IDO2: variants seen among roughly 807,000 people sequenced by gnomAD.
IDO2 encodes indoleamine 2,3-dioxygenase-like 1 protein.
Under a neutral mutation model 45.1 loss-of-function variants are expected in IDO2, and 46 were observed. That is an observed-to-expected ratio of 1.02 (90% CI 0.80 to 1.30). IDO2 has a LOEUF of 1.30. Among genes scored for constraint, IDO2 ranks in the 50% most tolerant of loss-of-function variants. The pLI is 0.00. For synonymous variants in IDO2, 218 were observed against 184.9 expected, an observed-to-expected ratio of 1.18 and a Z score of -1.45; for missense variants, 544 against 491.8, an observed-to-expected ratio of 1.11 and a Z score of -1.00.
In IDO2 at chr8:40,010,671, T is replaced by G. The variant is rs1802296921; in HGVS notation, c.720-2894T>G. Among the ~76,000 whole-genome samples, 5 of 152,058 alleles carry G rather than the reference T, an allele frequency of 3.3e-5. No homozygotes were observed. In the South Asian group the frequency reaches 1.0e-3, roughly 32 times the overall value. On this transcript the variant is annotated intron_variant, in intron 9 of 10. Transcript: ENST00000502986. ...ATCAAAGTTGATGGAAAGATATGAG[T>G]CAAAGATAATTTGCAGGTTTTGGGG... is the stretch of plus-strand genomic sequence containing the variant.
At chr8:39,977,629 T>C (rs1439181222) in intron 3 of IDO2, among the ~76,000 whole-genome samples, 3 of 152,240 alleles carry the variant, frequency 2.0e-5, no homozygotes, top group Non-Finnish European at 4.4e-5. Context: ...TGCAGTGAGC[T>C]ATGATTGCTG....
intron 2 of IDO2, among the ~76,000 whole-genome samples, chr8:39,949,761 T>A (rs1461279636): frequency 6.6e-6 from 1 of 152,192 alleles, no homozygotes; most frequent in Non-Finnish European, 1.5e-5. Context: ...TGGATCACTA[T>A]TGCGACATTT....
At chr8:39,953,294 G>C (rs1349960058) in intron 2 of IDO2, among the ~76,000 whole-genome samples, 2 of 152,164 alleles carry the variant, frequency 1.3e-5, no homozygotes, top group Non-Finnish European at 2.9e-5. Flanking sequence ...AGGTGGTTTA[G>C]AGTTGTTGTT....
intron 9 of IDO2, among the ~76,000 whole-genome samples, chr8:40,010,589 C>T (rs765539386): frequency 5.9e-5 from 9 of 152,070 alleles, no homozygotes; most frequent in Non-Finnish European, 1.0e-4. Flanking sequence ...GTGGCTTGTA[C>T]TAGGGTACAA....
At chr8:39,985,170 C>G (rs1352011397) in intron 5 of IDO2, 1 of 347,118 alleles carries the variant, frequency 2.9e-6, no homozygotes, top group Non-Finnish European at 5.3e-6. Flanking sequence ...ACCTCATAAT[C>G]CACCTGCCTC....
At chr8:39,938,910 T>C (rs55698142) in intron 1 of IDO2, among the ~76,000 whole-genome samples, 64,025 of 152,006 alleles carry the variant, frequency 0.42, 13,662 homozygotes, top group East Asian at 0.57. Flanking sequence ...TGGTGAAAAT[T>C]CCAAGTACTG....
chr8:39,943,726 A>G, intron 1 of IDO2, among the ~76,000 whole-genome samples: 1 of 122,584 alleles, frequency 8.2e-6, no homozygotes, highest in Non-Finnish European at 1.7e-5. Flanking sequence ...CGACAGCGAG[A>G]CTCCATCTCA....
intron 9 of IDO2, among the ~76,000 whole-genome samples, chr8:40,006,155 A>G (rs916658296): frequency 2.0e-5 from 3 of 152,204 alleles, no homozygotes; most frequent in Admixed American, 6.5e-5. Context: ...CCCCAACTCA[A>G]TACAGTTTGA....
chr8:39,949,053 C>T (rs938771449), intron 1 of IDO2, 96 bp from the exon 2 acceptor site: 1 of 1,500,024 alleles, frequency 6.7e-7, no homozygotes, highest in Non-Finnish European at 8.9e-7. Flanking sequence ...CTCTCCTGTG[C>T]CTGAGACACT....
chr8:39,966,244 G>C (rs1375930320), intron 3 of IDO2, among the ~76,000 whole-genome samples: 1 of 151,964 alleles, frequency 6.6e-6, no homozygotes. Flanking sequence ...GGCCAGGCTG[G>C]TCTCGAACTC....
At chr8:40,013,249 G>A (rs1802334204) in intron 9 of IDO2, among the ~76,000 whole-genome samples, 1 of 152,124 alleles carries the variant, frequency 6.6e-6, no homozygotes, top group African/African-American at 2.4e-5. Flanking sequence ...CCAACACTGA[G>A]GACATCTTTA....
At chr8:39,968,175 G>A (rs2095056232) in intron 3 of IDO2, among the ~76,000 whole-genome samples, 1 of 152,100 alleles carries the variant, frequency 6.6e-6, no homozygotes, top group African/African-American at 2.4e-5. Flanking sequence ...ATGGATAGTG[G>A]AATAGTATTC....
At chr8:39,971,846 T>C (rs1424833016) in intron 3 of IDO2, among the ~76,000 whole-genome samples, 1 of 152,094 alleles carries the variant, frequency 6.6e-6, no homozygotes, top group Non-Finnish European at 1.5e-5. Context: ...TTCGTTCTTA[T>C]TGCCCAAGCT....
chr8:39,975,325 G>GTTTTGATA, intron 3 of IDO2, among the ~76,000 whole-genome samples: 1 of 151,982 alleles, frequency 6.6e-6, no homozygotes, highest in Non-Finnish European at 1.5e-5. Context: ...CAGGACCTCT[G>GTTTTGATA]TTCATCAAAA....
chr8:39,956,059 CT>C (rs34663844), intron 2 of IDO2, among the ~76,000 whole-genome samples: 48,515 of 131,092 alleles, frequency 0.37, 8,239 homozygotes, highest in Non-Finnish European at 0.45. Context: ...CATTAGATGA[CT>C]TTTTTTTTTT....
intron 6 of IDO2, 75 bp downstream of exon 6, chr8:39,985,597 A>G: frequency 8.1e-7 from 1 of 1,234,224 alleles, no homozygotes. Flanking sequence ...ACAAAGAACA[A>G]AGCATGCTAA....
intron 2 of IDO2, among the ~76,000 whole-genome samples, chr8:39,956,357 C>T (rs146460267): frequency 4.2e-4 from 64 of 152,284 alleles, no homozygotes; most frequent in African/African-American, 1.3e-3. Context: ...CCACCACACG[C>T]AGCCAATTAG....
chr8:40,016,116 G>C (rs1274007194), exon 11 of IDO2: 9 of 393,376 alleles, frequency 2.3e-5, no homozygotes, highest in Non-Finnish European at 4.0e-5. Context: ...AGTGGAGATG[G>C]GAAGATAGAG....
intron 1 of IDO2, among the ~76,000 whole-genome samples, chr8:39,939,546 C>CAAAAAAAAAAAAA (rs55892879): frequency 4.2e-5 from 3 of 71,268 alleles, no homozygotes; most frequent in African/African-American, 5.8e-5. Context: ...GACTCTGTCT[C>CAAAAAAAAAAAAA]AAAAAAAAAA....
Sources: allele counts gnomAD v4.1 joint callset (sites outside exome capture counted in the v4.1 genomes callset), GRCh38; gene constraint gnomAD v4.1.1; transcripts MANE v1.5; gene names NCBI Gene and HGNC (gene_info 2026-07-23, HGNC 2026-07-21).